Variants in CALN1 observed in about 807,000 individuals in gnomAD.
The protein encoded by CALN1 is calneuron 1.
In CALN1, 17 loss-of-function variants were observed where a neutral mutation model predicts 30.6. That is an observed-to-expected ratio of 0.56 (90% CI 0.38 to 0.83). The LOEUF (loss-of-function observed/expected upper bound fraction) is 0.83. CALN1 is among the 40% of genes least tolerant of loss of function. The pLI, the probability that CALN1 is intolerant of heterozygous loss-of-function variation, is 0.00. For synonymous variants in CALN1, 156 were observed against 131.4 expected, an observed-to-expected ratio of 1.19 and a Z score of -1.28; for missense variants, 291 against 354.9, an observed-to-expected ratio of 0.82 and a Z score of 1.45.
rs776714859 is a variant in CALN1, at chr7:72,403,400, G to T, written c.-31C>A. 16 of 1,510,584 alleles carry T rather than the reference G, an allele frequency of 1.1e-5. No individual in the cohort carries two copies. The highest frequency in any genetic ancestry group is 8.4e-5 in the Admixed American group (4 of 47,804). 93.6% of individuals were successfully genotyped at this position (1,510,584 alleles called of 1,614,324 possible). Reference sequence around the variant, plus strand: ...GTCCAGGGCGATGTTCTCAGAGAGAGTTAGAAGCTCATCAAAGGAACGTCA... The same window carrying T: ...GTCCAGGGCGATGTTCTCAGAGAGATTTAGAAGCTCATCAAAGGAACGTCA... On this transcript the variant is annotated 5_prime_UTR_variant, in exon 2 of 7. Transcript: ENST00000395275.
intron 2 of CALN1, among the ~76,000 whole-genome samples, chr7:72,335,659 C>T (rs374160787): frequency 2.0e-5 from 3 of 152,322 alleles, no homozygotes; most frequent in South Asian, 2.1e-4. Context: ...GAACTGCAGG[C>T]ACCGCTTCAC....
At chr7:71,851,250 C>T (rs932781532) in intron 5 of CALN1, among the ~76,000 whole-genome samples, 6 of 150,022 alleles carry the variant, frequency 4.0e-5, no homozygotes, top group Admixed American at 1.3e-4. Context: ...CACACACACA[C>T]ACATCACACA....
At chr7:72,088,164 T>A (rs2129539466) in intron 4 of CALN1, among the ~76,000 whole-genome samples, 1 of 152,120 alleles carries the variant, frequency 6.6e-6, no homozygotes, top group African/African-American at 2.4e-5. Flanking sequence ...TCAGACCCTG[T>A]CTCTAAAAAC....
intron 2 of CALN1, among the ~76,000 whole-genome samples, chr7:72,335,959 G>T: frequency 6.6e-6 from 1 of 152,210 alleles, no homozygotes; most frequent in Admixed American, 6.5e-5. Context: ...CGCTAGTCCG[G>T]AGAAACTAGG....
chr7:71,858,413 C>CT (rs1791078449), intron 5 of CALN1, among the ~76,000 whole-genome samples: 1 of 151,858 alleles, frequency 6.6e-6, no homozygotes, highest in Non-Finnish European at 1.5e-5. Flanking sequence ...TCCCAAATCA[C>CT]TAAGTCAAAG....
intron 2 of CALN1, among the ~76,000 whole-genome samples, chr7:72,351,018 A>G (rs2129559280): frequency 6.6e-6 from 1 of 152,210 alleles, no homozygotes; most frequent in East Asian, 1.9e-4. Flanking sequence ...GCAGGCACCT[A>G]TAAACCCAGC....
chr7:71,928,256 G>A (rs549416149), intron 5 of CALN1, among the ~76,000 whole-genome samples: 18 of 152,268 alleles, frequency 1.2e-4, no homozygotes, highest in Admixed American at 9.1e-4. Flanking sequence ...TCAGAAATTT[G>A]TTTAAAAATT....
chr7:72,081,408 T>TGG, intron 4 of CALN1, among the ~76,000 whole-genome samples: 1 of 137,282 alleles, frequency 7.3e-6, no homozygotes, highest in African/African-American at 2.8e-5. Context: ...AATCATAGGG[T>TGG]GTGTGTGTGT....
intron 2 of CALN1, among the ~76,000 whole-genome samples, chr7:72,304,630 A>C: frequency 6.6e-6 from 1 of 152,174 alleles, no homozygotes; most frequent in East Asian, 1.9e-4. Flanking sequence ...ACGTCTATCT[A>C]CTTATATTTT....
chr7:72,109,113 T>C (rs979463172), intron 3 of CALN1, among the ~76,000 whole-genome samples: 3 of 152,180 alleles, frequency 2.0e-5, no homozygotes, highest in Non-Finnish European at 2.9e-5. Flanking sequence ...GCTAGACAGA[T>C]AGCTGTTCAA....
At chr7:72,458,228 A>G in the CALN1 span, among the ~76,000 whole-genome samples, 1 of 84,754 alleles carries the variant, frequency 1.2e-5, no homozygotes, top group South Asian at 2.8e-4. Context: ...ATATTATATA[A>G]TATATTCTAT....
chr7:72,118,832 T>C (rs959811082), intron 3 of CALN1, among the ~76,000 whole-genome samples: 1 of 152,132 alleles, frequency 6.6e-6, no homozygotes, highest in Non-Finnish European at 1.5e-5. Context: ...ATCAGTTCCA[T>C]TTGTCTGGAA....
At chr7:72,089,728 T>A (rs1217288689) in intron 4 of CALN1, among the ~76,000 whole-genome samples, 4 of 152,098 alleles carry the variant, frequency 2.6e-5, no homozygotes, top group Non-Finnish European at 5.9e-5. Flanking sequence ...TTTGCACTGA[T>A]AAAAGGTGAA....
At chr7:72,317,456 G>A (rs1313995393) in intron 2 of CALN1, among the ~76,000 whole-genome samples, 1 of 152,214 alleles carries the variant, frequency 6.6e-6, no homozygotes, top group South Asian at 2.1e-4. Flanking sequence ...AGGATCTAAT[G>A]TTGCAGTTTG....
At chr7:72,204,955 A>C (rs1791716906) in intron 3 of CALN1, among the ~76,000 whole-genome samples, 1 of 152,194 alleles carries the variant, frequency 6.6e-6, no homozygotes, top group African/African-American at 2.4e-5. Flanking sequence ...CAATTTTATA[A>C]TCCCAACAAT....
intron 4 of CALN1, among the ~76,000 whole-genome samples, chr7:72,053,119 A>C (rs1445420690): frequency 6.6e-6 from 1 of 152,126 alleles, no homozygotes; most frequent in Non-Finnish European, 1.5e-5. Context: ...AATCCCAGCT[A>C]CTCGGGAGGC....
chr7:72,225,217 T>A (rs1793587303), intron 3 of CALN1, among the ~76,000 whole-genome samples: 1 of 151,928 alleles, frequency 6.6e-6, no homozygotes, highest in African/African-American at 2.4e-5. Context: ...GAGGCCGGGC[T>A]CGGCTTTCAC....
At chr7:72,244,723 G>T (rs370349952) in intron 3 of CALN1, among the ~76,000 whole-genome samples, 1 of 151,710 alleles carries the variant, frequency 6.6e-6, no homozygotes, top group Non-Finnish European at 1.5e-5. Flanking sequence ...CCCAGACAGA[G>T]AAAATATAGT....
intron 2 of CALN1, among the ~76,000 whole-genome samples, chr7:72,369,356 T>TGTTGTTGTTG (rs1804081556): frequency 4.4e-4 from 1 of 2,292 alleles, no homozygotes; most frequent in African/African-American, 9.4e-4. Flanking sequence ...AAATATTTAT[T>TGTTGTTGTTG]TTTTTGTTGT....
Sources: allele counts gnomAD v4.1 joint callset (sites outside exome capture counted in the v4.1 genomes callset), GRCh38; gene constraint gnomAD v4.1.1; transcripts MANE v1.5; gene names NCBI Gene and HGNC (gene_info 2026-07-23, HGNC 2026-07-21).